The following ITIH5 variants were observed in gnomAD, a reference collection of about 807,000 sequenced individuals.
The protein encoded by ITIH5 is inter-alpha-trypsin inhibitor heavy chain H5.
A neutral mutation model predicts 77.5 loss-of-function variants in ITIH5; 65 were observed. The observed-to-expected ratio is 0.84, with a 90% confidence interval of 0.69 to 1.03. ITIH5 has a LOEUF of 1.03. Among genes scored for constraint, ITIH5 ranks in the 50% least tolerant of loss-of-function variants. ITIH5 has a pLI of 0.00. For synonymous variants in ITIH5, 525 were observed against 494.3 expected, an observed-to-expected ratio of 1.06 and a Z score of -0.82; for missense variants, 1,208 against 1,213.1, an observed-to-expected ratio of 1.00 and a Z score of 0.06.
intron 2 of ITIH5, among the ~76,000 whole-genome samples, chr10:7,644,799 CAT>C (rs1007341547): frequency 1.9e-5 from 2 of 105,796 alleles, no homozygotes; most frequent in South Asian, 3.1e-4. Context: ...TCATATATAT[CAT>C]ATATATCACA....
chr10:7,597,381 T>TA (rs1271711093), intron 7 of ITIH5, among the ~76,000 whole-genome samples: 1 of 152,106 alleles, frequency 6.6e-6, no homozygotes, highest in African/African-American at 2.4e-5. Context: ...CAACCAAAAT[T>TA]AAAAACTATC....
Position 7,642,101 on chromosome 10 carries a change from G to T in ITIH5, c.136-11C>A. The T allele has an allele frequency of 6.2e-7, 1 of 1,612,006 alleles. No homozygotes were observed. The highest frequency in any genetic ancestry group is 8.5e-7 in the Non-Finnish European group (1 of 1,178,482). Reference sequence around the variant, plus strand: ...CAAAGGTTTGGTTTTCTGTAGGAATGAAAACACACAGTATCATCGGTGATG... The same window carrying T: ...CAAAGGTTTGGTTTTCTGTAGGAATTAAAACACACAGTATCATCGGTGATG... On this transcript the variant is annotated splice_polypyrimidine_tract_variant and intron_variant, in intron 2 of 13. Transcript: ENST00000397146.
intron 12 of ITIH5, among the ~76,000 whole-genome samples, chr10:7,568,966 A>G (rs12244148): frequency 0.011 from 1,681 of 151,376 alleles, 38 homozygotes; most frequent in African/African-American, 0.039. Flanking sequence ...TATGACAATA[A>G]TACACAATAA....
chr10:7,653,318 C>T (rs568008637), intron 2 of ITIH5, among the ~76,000 whole-genome samples: 7 of 152,168 alleles, frequency 4.6e-5, no homozygotes, highest in East Asian at 1.9e-4. Flanking sequence ...GCAATCCTCC[C>T]GCCTCAGCCT....
chr10:7,586,893 C>T (rs148362497), intron 7 of ITIH5, among the ~76,000 whole-genome samples: 103 of 152,036 alleles, frequency 6.8e-4, no homozygotes, highest in African/African-American at 2.4e-3. Flanking sequence ...TGCAGTGGCG[C>T]GATCTCAGCT....
chr10:7,614,445 T>C (rs970793850), intron 7 of ITIH5, among the ~76,000 whole-genome samples: 4 of 152,230 alleles, frequency 2.6e-5, no homozygotes, highest in African/African-American at 9.6e-5. Context: ...CACAATTTCA[T>C]AAACTTTCTT....
intron 2 of ITIH5, among the ~76,000 whole-genome samples, chr10:7,646,389 G>A (rs576548889): frequency 4.6e-5 from 7 of 152,322 alleles, no homozygotes; most frequent in Non-Finnish European, 7.4e-5. Flanking sequence ...CCATTTCCCA[G>A]AGACAATGTT....
At chr10:7,644,495 TAATCA>T (rs1833946001) in intron 2 of ITIH5, among the ~76,000 whole-genome samples, 2 of 119,200 alleles carry the variant, frequency 1.7e-5, no homozygotes, top group African/African-American at 6.5e-5. Flanking sequence ...ATATATATCA[TAATCA>T]CATATATATG....
intron 2 of ITIH5, among the ~76,000 whole-genome samples, chr10:7,651,451 T>G (rs1421776196): frequency 6.6e-6 from 1 of 151,944 alleles, no homozygotes. Flanking sequence ...AGCGCGATGA[T>G]GCATGCCTGT....
intron 7 of ITIH5, among the ~76,000 whole-genome samples, chr10:7,598,031 T>C (rs1832942095): frequency 6.6e-6 from 1 of 152,046 alleles, no homozygotes; most frequent in Non-Finnish European, 1.5e-5. Flanking sequence ...ACAGATTGGC[T>C]CCCAAGAAGA....
intron 7 of ITIH5, among the ~76,000 whole-genome samples, chr10:7,588,999 C>T (rs1216774101): frequency 4.6e-5 from 7 of 152,244 alleles, no homozygotes; most frequent in African/African-American, 1.2e-4. Flanking sequence ...AGCCCCAGGA[C>T]GGCTGGAGCC....
intron 5 of ITIH5, among the ~76,000 whole-genome samples, chr10:7,636,896 A>G (rs1275885625): frequency 6.6e-6 from 1 of 152,146 alleles, no homozygotes; most frequent in Non-Finnish European, 1.5e-5. Context: ...GACTAAAAAT[A>G]CAAAATTAGC....
At position 7,586,149 on chromosome 10, in the gene ITIH5, C is replaced by CG. The variant is rs577438835; in HGVS notation, c.940-81_940-80insC. 1.0e-4 allele frequency: 127 copies of CG among 1,272,466 alleles called. 1 individual carries two copies. The East Asian group carries it at 2.1e-3, about 21-fold the overall frequency. The allele number at this position is 1,272,466 out of a possible 1,614,324, so 78.8% of individuals were successfully genotyped here. On this transcript the variant is annotated intron_variant, in intron 7 of 13. Transcript: ENST00000397146. ...CCCCTGTTCTAGAAACCGCCCCCGC[C>CG]CCCCAGGAAAAATGTCAGGGTTCAA...
At chr10:7,598,001 T>C (rs1205039749) in intron 7 of ITIH5, among the ~76,000 whole-genome samples, 1 of 152,252 alleles carries the variant, frequency 6.6e-6, no homozygotes, top group African/African-American at 2.4e-5. Context: ...ATCATTGTTG[T>C]ACTTCTAAAA....
Position 7,641,912 on chromosome 10 carries a change from C to T in ITIH5, c.299+15G>A. The T allele has an allele frequency of 1.2e-6, 2 of 1,613,230 alleles. No homozygotes were observed. The highest frequency in any genetic ancestry group is 2.2e-5 in the East Asian group (1 of 44,874). ...CTAGGCAGAAATCTTCATCCCTGACCAGCGTGTCACCTACATAGTGAAGTT... is the reference window on the plus strand; with the variant it reads ...CTAGGCAGAAATCTTCATCCCTGACTAGCGTGTCACCTACATAGTGAAGTT... On this transcript the variant is annotated intron_variant, in intron 3 of 13. Coordinates refer to ENST00000397146, the MANE Select transcript of ITIH5 (RefSeq NM_030569.7).
intron 7 of ITIH5, among the ~76,000 whole-genome samples, chr10:7,599,805 A>G (rs1433348293): frequency 6.6e-6 from 1 of 152,246 alleles, no homozygotes; most frequent in Non-Finnish European, 1.5e-5. Flanking sequence ...GATTGTATAT[A>G]CAAGAAAATA....
chr10:7,562,006 G>A lies in ITIH5; in HGVS notation c.*1077C>T, dbSNP rs1398068549. 2 of 152,178 alleles carry A rather than the reference G, an allele frequency of 1.3e-5. No individual in the cohort carries two copies. The highest frequency in any genetic ancestry group is 2.4e-5 in the African/African-American group (1 of 41,436). The allele number at this position is 152,178 out of a possible 1,614,324, so 9.4% of individuals were successfully genotyped here. On this transcript the variant is annotated 3_prime_UTR_variant, in exon 14 of 14. Coordinates refer to ENST00000397146, the MANE Select transcript of ITIH5 (RefSeq NM_030569.7). ...GGTTTGTCCAAGTTTTGGAACCAAA[G>A]CCCCTGTCCACGAGCTGGTTTCCTG... is the stretch of plus-strand genomic sequence containing the variant.
intron 7 of ITIH5, among the ~76,000 whole-genome samples, chr10:7,610,986 C>G (rs367639441): frequency 6.6e-6 from 1 of 152,328 alleles, no homozygotes; most frequent in South Asian, 2.1e-4. Context: ...TTGCATCATG[C>G]GAGGAAATCC....
At chr10:7,569,415 A>T (rs1832252436) in intron 12 of ITIH5, 2 of 386,096 alleles carry the variant, frequency 5.2e-6, no homozygotes. Context: ...AGGCCAAGAG[A>T]GTGTTCCTAT....
Sources: gnomAD v4.1 joint callset for allele counts (sites outside exome capture counted in the v4.1 genomes callset) on GRCh38, gnomAD v4.1.1 for gene constraint, MANE v1.5 for transcripts, NCBI Gene and HGNC (gene_info 2026-07-23, HGNC 2026-07-21) for gene names.